PDS5A: variants seen among roughly 807,000 people sequenced by gnomAD.
PDS5A encodes the protein PDS5 cohesin associated factor A.
Under a neutral mutation model 167.1 loss-of-function variants are expected in PDS5A, and 42 were observed. The observed-to-expected ratio is 0.25, with a 90% CI of 0.20 to 0.33. The LOEUF is 0.33. PDS5A is among the 10% of genes least tolerant of loss of function. The probability of loss-of-function intolerance (pLI) is 1.00; values close to 1 mark genes in which losing one functional copy is unlikely to be tolerated. For synonymous variants in PDS5A, 553 were observed against 554.6 expected, an observed-to-expected ratio of 1.00 and a Z score of 0.04; for missense variants, 1,033 against 1,605.9, an observed-to-expected ratio of 0.64 and a Z score of 6.10.
At chr4:39,915,552 G>A (rs1434065624) in intron 8 of PDS5A, among the ~76,000 whole-genome samples, 1 of 151,500 alleles carries the variant, frequency 6.6e-6, no homozygotes, top group Non-Finnish European at 1.5e-5. Context: ...TAGAGATGGG[G>A]TGTCACCATG....
chr4:39,855,422 A>C (rs541973580), intron 26 of PDS5A, among the ~76,000 whole-genome samples: 83 of 152,194 alleles, frequency 5.5e-4, no homozygotes, highest in Non-Finnish European at 9.0e-4. Flanking sequence ...AAAATGTCCA[A>C]TTCCTAACGA....
chr4:39,944,203 A>T (rs1260097096), intron 2 of PDS5A, among the ~76,000 whole-genome samples: 1 of 149,428 alleles, frequency 6.7e-6, no homozygotes, highest in Admixed American at 6.7e-5. Context: ...AAAAAAATAC[A>T]CTATTAATCA....
intron 21 of PDS5A, 111 bp downstream of exon 21, chr4:39,872,875 A>G: frequency 1.9e-6 from 1 of 534,744 alleles, no homozygotes; most frequent in Non-Finnish European, 3.1e-6. Flanking sequence ...GAACCAATAT[A>G]GAATAATTTA....
intron 12 of PDS5A, among the ~76,000 whole-genome samples, 161 bp downstream of exon 12, chr4:39,903,879 A>G (rs890474381): frequency 6.6e-6 from 1 of 152,208 alleles, no homozygotes; most frequent in Admixed American, 6.5e-5. Flanking sequence ...GTAAAAAGCT[A>G]TCTCTAAACT....
chr4:39,918,651 C>A (rs967776639), intron 7 of PDS5A, among the ~76,000 whole-genome samples: 1 of 152,032 alleles, frequency 6.6e-6, no homozygotes. Context: ...GTCAGGAGTT[C>A]AAGACCAGCC....
At position 39,871,825 on chromosome 4, in the gene PDS5A, T is replaced by G. The variant is rs541845061; in HGVS notation, c.2436+1161A>C. ...TTCAAGCGATTCTCCTGCCTCAGCC[T>G]CCCGAATAGCTGGGATTACAGGCAC... On this transcript the variant is annotated intron_variant, in intron 21 of 32. Transcript: ENST00000303538. 7.2e-5 allele frequency among the ~76,000 whole-genome samples: 11 copies of G among 152,186 alleles called. No individual in the cohort carries two copies. In the South Asian group the frequency reaches 2.3e-3, roughly 32 times the overall value.
chr4:39,954,753 T>C (rs1402988282), intron 2 of PDS5A, among the ~76,000 whole-genome samples: 2 of 142,142 alleles, frequency 1.4e-5, no homozygotes, highest in African/African-American at 5.3e-5. Context: ...TTAAAATAAC[T>C]ATGAGGCCAG....
At chr4:39,912,780 A>G (rs1724005548) in intron 9 of PDS5A, among the ~76,000 whole-genome samples, 1 of 152,228 alleles carries the variant, frequency 6.6e-6, no homozygotes, top group Non-Finnish European at 1.5e-5. Flanking sequence ...TGTCAACACT[A>G]CTATCAAGCC....
intron 10 of PDS5A, among the ~76,000 whole-genome samples, chr4:39,909,077 A>C (rs536295925): frequency 2.5e-4 from 38 of 149,516 alleles, no homozygotes; most frequent in African/African-American, 9.5e-4. Context: ...AAATAAAATA[A>C]AATAAAATAA....
At chr4:39,885,164 G>A (rs1293276162) in intron 17 of PDS5A, among the ~76,000 whole-genome samples, 3 of 148,830 alleles carry the variant, frequency 2.0e-5, no homozygotes, top group Non-Finnish European at 3.0e-5. Context: ...TCGGGAGGCC[G>A]AACCCGGGAG....
At position 39,904,254 on chromosome 4, in the gene PDS5A, C is replaced by T. The variant is rs966878009; in HGVS notation, c.1234-63G>A. On this transcript the variant is annotated intron_variant, in intron 11 of 32. Transcript: ENST00000303538. Reference sequence around the variant, plus strand: ...AAAACTCTGTACTAATCTCCAAAGACTGCCTTGGCTTCATTAGGTTGTACA... The same window carrying T: ...AAAACTCTGTACTAATCTCCAAAGATTGCCTTGGCTTCATTAGGTTGTACA... 21 of 1,199,836 alleles carry T rather than the reference C, an allele frequency of 1.8e-5. No individual in the cohort carries two copies. In the African/African-American group the frequency reaches 3.1e-4, roughly 18 times the overall value. The allele number at this position is 1,199,836 out of a possible 1,614,324, so 74.3% of individuals were successfully genotyped here. A position where few individuals can be genotyped will look rare whatever the true frequency, so the allele number is the denominator to read the frequency against.
chr4:39,845,781 T>C, intron 29 of PDS5A, 37 bp downstream of exon 29: 4 of 1,373,294 alleles, frequency 2.9e-6, no homozygotes, highest in Non-Finnish European at 3.8e-6. Context: ...AAGATACACA[T>C]GAAACAAAGA....
chr4:39,917,096 A>T lies in PDS5A; in HGVS notation c.828T>A (p.Asp276Glu), dbSNP rs763007552. The change falls in exon 8 of 33, where the codon GAT (aspartate) becomes GAA (glutamate). Residue 276 changes from aspartate to glutamate, a missense_variant. By Grantham distance (45) the Asp-to-Glu change is conservative (BLOSUM62 2). Coordinates refer to ENST00000303538, the MANE Select transcript of PDS5A (RefSeq NM_001100399.2). ...FDLIQELFAI[D>E]PHLLLSVMPQ... ...GCATGACGGATAATAATAAATGAGG[A>T]TCTATAGCAAAAAGTTCCTGAATCA... 1.3e-6 allele frequency: 2 copies of T among 1,560,370 alleles called. No homozygotes were observed. Among genetic ancestry groups the T allele is most frequent in the Admixed American group, 3.9e-5 (2 of 51,894 alleles).
Position 39,877,215 on chromosome 4 carries a change from T to G in PDS5A, c.1993-62A>C, listed in dbSNP as rs930827949. 19 of 1,057,132 alleles carry G rather than the reference T, an allele frequency of 1.8e-5. No individual in the cohort carries two copies. The Admixed American group carries it at 4.6e-4, about 25-fold the overall frequency. The allele number at this position is 1,057,132 out of a possible 1,614,324, so 65.5% of individuals were successfully genotyped here. ...TGGTTTTAATCCATTAAAAAAGAAT[T>G]ACTTCCCGCAAAAGAAAAAAAAAAT... On this transcript the variant is annotated intron_variant, in intron 18 of 32. Transcript: ENST00000303538.
At chr4:39,940,171 C>G (rs886326912) in intron 2 of PDS5A, among the ~76,000 whole-genome samples, 1 of 149,644 alleles carries the variant, frequency 6.7e-6, no homozygotes, top group Non-Finnish European at 1.5e-5. Context: ...ATGAGATAAT[C>G]ACTTGCCACT....
rs371161038 is a variant in PDS5A at position 39,824,588 on chromosome 4, AT to A, written c.*896del. 222 of 152,580 alleles carry A rather than the reference AT, an allele frequency of 1.5e-3. No individual in the cohort carries two copies. Among genetic ancestry groups the A allele is most frequent in the East Asian group, 0.013 (69 of 5,188 alleles). The allele number at this position is 152,580 out of a possible 1,614,324, so 9.5% of individuals were successfully genotyped here. ...AAGTCCAACTATTTTTTAAAAATTG[AT>A]TTTTTTTACATTAATAAAAATCTGG... On this transcript the variant is annotated 3_prime_UTR_variant, in exon 33 of 33. Coordinates refer to ENST00000303538, the MANE Select transcript of PDS5A (RefSeq NM_001100399.2).
intron 17 of PDS5A, among the ~76,000 whole-genome samples, chr4:39,884,014 C>T (rs530295818): frequency 2.2e-4 from 34 of 151,794 alleles, no homozygotes; most frequent in Non-Finnish European, 2.8e-4. Context: ...CTGCAACCTC[C>T]GCCTCCTAGG....
chr4:39,923,171 T>C (rs2679792), intron 5 of PDS5A, among the ~76,000 whole-genome samples: 37,240 of 151,242 alleles, frequency 0.25, 5,037 homozygotes, highest in East Asian at 0.44. Context: ...TTTACAAAAA[T>C]ACAAAAATTA....
rs1350486588 is a variant in PDS5A, at chr4:39,823,133, CAAAT to C, written c.*2348_*2351del. The C allele has an allele frequency of 2.0e-5, 3 of 152,618 alleles. No homozygotes were observed. The East Asian group carries it at 5.8e-4, about 29-fold the overall frequency. 9.5% of individuals were successfully genotyped at this position (152,618 alleles called of 1,614,324 possible). A position where few individuals can be genotyped will look rare whatever the true frequency, so the allele number is the denominator to read the frequency against. On this transcript the variant is annotated 3_prime_UTR_variant, in exon 33 of 33. Transcript: ENST00000303538. ...GACACAAAGGGTTAACATTAATTCT[CAAAT>C]ATAAGTCTGCACTTTTGTGTTGTAG...
Sources: gnomAD v4.1 joint callset for allele counts (sites outside exome capture counted in the v4.1 genomes callset) on GRCh38, gnomAD v4.1.1 for gene constraint, MANE v1.5 for transcripts, NCBI Gene and HGNC (gene_info 2026-07-23, HGNC 2026-07-21) for gene names.